The following CDH13 variants were observed in gnomAD, a reference collection of about 807,000 sequenced individuals.
CDH13 encodes cadherin-13.
A neutral mutation model predicts 63.8 loss-of-function variants in CDH13; 24 were observed. That is an observed-to-expected ratio of 0.38 (90% CI 0.27 to 0.53). CDH13 has a LOEUF of 0.53. Among genes scored for constraint, CDH13 ranks in the 20% least tolerant of loss-of-function variants. The probability of loss-of-function intolerance (pLI) is 0.85; values close to 1 mark genes in which losing one functional copy is unlikely to be tolerated. For synonymous variants in CDH13, 503 were observed against 355.3 expected (o/e 1.42, Z -4.67); for missense variants, 1,049 against 903.1 (o/e 1.16, Z -2.07).
intron 2 of CDH13, among the ~76,000 whole-genome samples, chr16:82,873,827 G>C (rs1011763460): frequency 2.0e-5 from 3 of 152,076 alleles, no homozygotes; most frequent in South Asian, 2.1e-4. Flanking sequence ...ATATAGCTTG[G>C]CTCCTCTGAA....
At chr16:83,189,800 T>A (rs1454821956) in intron 4 of CDH13, among the ~76,000 whole-genome samples, 1 of 152,162 alleles carries the variant, frequency 6.6e-6, no homozygotes, top group African/African-American at 2.4e-5. Context: ...CCTTGAATTG[T>A]AGTTCCCATA....
intron 4 of CDH13, among the ~76,000 whole-genome samples, chr16:83,163,750 A>G (rs1251240605): frequency 2.0e-5 from 3 of 152,148 alleles, no homozygotes; most frequent in African/African-American, 7.2e-5. Context: ...CATATAGCAT[A>G]AAGCCGCCAC....
chr16:82,918,366 T>C (rs2042054920), intron 2 of CDH13, among the ~76,000 whole-genome samples: 1 of 152,140 alleles, frequency 6.6e-6, no homozygotes, highest in South Asian at 2.1e-4. Context: ...CTGTGATTTT[T>C]TTGAGACATC....
At chr16:82,886,102 C>T (rs2040878681) in intron 2 of CDH13, among the ~76,000 whole-genome samples, 1 of 152,170 alleles carries the variant, frequency 6.6e-6, no homozygotes, top group Admixed American at 6.5e-5. Flanking sequence ...CCATCTGTTT[C>T]ATCAGCTCAT....
At chr16:83,478,548 T>C (rs2073672175) in intron 6 of CDH13, among the ~76,000 whole-genome samples, 1 of 152,252 alleles carries the variant, frequency 6.6e-6, no homozygotes, top group East Asian at 1.9e-4. Flanking sequence ...GGAGGGGTCC[T>C]TGTGCTGGTG....
At chr16:83,277,051 A>T (rs550687100) in intron 5 of CDH13, among the ~76,000 whole-genome samples, 3 of 152,156 alleles carry the variant, frequency 2.0e-5, no homozygotes, top group African/African-American at 7.2e-5. Context: ...CTCCAACAAC[A>T]TGTGGGAGTT....
intron 1 of CDH13, among the ~76,000 whole-genome samples, chr16:82,746,524 C>G (rs187989481): frequency 7.9e-5 from 12 of 151,942 alleles, no homozygotes; most frequent in South Asian, 4.2e-4. Flanking sequence ...TTTTAAAAAT[C>G]GGGTTATTAC....
intron 13 of CDH13, among the ~76,000 whole-genome samples, chr16:83,788,163 T>C (rs950325682): frequency 1.3e-5 from 2 of 152,158 alleles, no homozygotes; most frequent in African/African-American, 4.8e-5. Context: ...TAAATCCAAT[T>C]TCTGAACATC....
intron 2 of CDH13, among the ~76,000 whole-genome samples, chr16:82,973,227 A>G (rs188858297): frequency 6.6e-5 from 10 of 152,160 alleles, no homozygotes; most frequent in Admixed American, 2.0e-4. Flanking sequence ...TTTTCTTGGC[A>G]TTTTGTCTGG....
intron 2 of CDH13, among the ~76,000 whole-genome samples, chr16:82,965,358 T>A (rs1470330495): frequency 6.6e-6 from 1 of 152,162 alleles, no homozygotes; most frequent in Non-Finnish European, 1.5e-5. Context: ...GATGCAAAAT[T>A]TTTAGTTTGG....
At chr16:83,178,221 G>T (rs1034039589) in intron 4 of CDH13, among the ~76,000 whole-genome samples, 1 of 152,106 alleles carries the variant, frequency 6.6e-6, no homozygotes, top group Non-Finnish European at 1.5e-5. Flanking sequence ...GTGGGAGGCC[G>T]TCCTGTGCTT....
At chr16:83,171,551 A>C (rs1445160432) in intron 4 of CDH13, 1 of 1,534,268 alleles carries the variant, frequency 6.5e-7, no homozygotes, top group Non-Finnish European at 8.7e-7. Context: ...TGTGCCTAGC[A>C]CGATGGCTGA....
In CDH13 at chr16:83,780,045, C is replaced by A. The variant is rs779456677; in HGVS notation, c.1759C>A (p.Pro587Thr). 6.2e-7 allele frequency: 1 copy of A among 1,613,928 alleles called. No individual in the cohort carries two copies. The highest frequency in any genetic ancestry group is 8.5e-7 in the Non-Finnish European group (1 of 1,179,862). The change falls in exon 12 of 14, where the codon CCC becomes ACC. Residue 587 changes from proline to threonine, a missense_variant. By Grantham distance (38) the Pro-to-Thr change is conservative. Coordinates refer to ENST00000567109, the MANE Select transcript of CDH13 (RefSeq NM_001257.5). ...DVNDNAPFIYPTVAEVCDDAK... is the reference protein window; with the variant it reads ...DVNDNAPFIYTTVAEVCDDAK... ...GAATGACAATGCCCCGTTCATTTAC[C>A]CCACAGTAGCTGAAGTCTGTGATGA...
chr16:82,987,703 C>G (rs1416344074), intron 2 of CDH13, among the ~76,000 whole-genome samples: 1 of 152,124 alleles, frequency 6.6e-6, no homozygotes, highest in Non-Finnish European at 1.5e-5. Context: ...TAAAAGGCTT[C>G]TTTTTAAGTT....
chr16:82,880,588 T>C (rs2151203273), intron 2 of CDH13, among the ~76,000 whole-genome samples: 1 of 152,316 alleles, frequency 6.6e-6, no homozygotes, highest in South Asian at 2.1e-4. Flanking sequence ...GCTTGGTTGA[T>C]TGAAGAAGGC....
intron 8 of CDH13, among the ~76,000 whole-genome samples, chr16:83,620,965 A>G (rs891653594): frequency 6.6e-6 from 1 of 152,124 alleles, no homozygotes; most frequent in Non-Finnish European, 1.5e-5. Flanking sequence ...AACATCCCCC[A>G]GCCAGTGTGA....
At chr16:83,095,686 C>T (rs886405834) in intron 3 of CDH13, among the ~76,000 whole-genome samples, 15 of 152,070 alleles carry the variant, frequency 9.9e-5, no homozygotes, top group East Asian at 9.7e-4. Context: ...ACCGGTACAA[C>T]CTAGTTAACT....
chr16:83,739,523 T>C (rs1055286215), intron 10 of CDH13, among the ~76,000 whole-genome samples: 1 of 152,154 alleles, frequency 6.6e-6, no homozygotes, highest in Non-Finnish European at 1.5e-5. Context: ...TCCTGGCAAA[T>C]CACTGAACCT....
chr16:83,538,712 G>A (rs1239894061), intron 7 of CDH13, among the ~76,000 whole-genome samples: 1 of 152,170 alleles, frequency 6.6e-6, no homozygotes, highest in Non-Finnish European at 1.5e-5. Context: ...TCTTAGATTA[G>A]CAGAAGAGAC....
Sources: gnomAD v4.1 joint callset for allele counts (sites outside exome capture counted in the v4.1 genomes callset) on GRCh38, gnomAD v4.1.1 for gene constraint, MANE v1.5 for transcripts, NCBI Gene and HGNC (gene_info 2026-07-23, HGNC 2026-07-21) for gene names.